The following CACNB2 variants were observed in gnomAD, a reference collection of about 807,000 sequenced individuals.
CACNB2 encodes the protein calcium voltage-gated channel auxiliary subunit beta 2.
In CACNB2, 42 loss-of-function variants were observed where a neutral mutation model predicts 73.3. The ratio of observed to expected loss-of-function variants is 0.57; its 90% CI spans 0.45 to 0.74. The LOEUF is 0.74. Ranked by LOEUF, CACNB2 falls within the 30% of genes least tolerant of loss-of-function variation. The probability of loss-of-function intolerance (pLI) is 0.00; values close to 1 mark genes in which losing one functional copy is unlikely to be tolerated. For synonymous variants in CACNB2, 348 were observed against 310.3 expected (o/e 1.12, Z -1.28); for missense variants, 940 against 853.0 (o/e 1.10, Z -1.27).
intron 3 of CACNB2, among the ~76,000 whole-genome samples, chr10:18,484,444 G>T (rs2048955378): frequency 6.6e-6 from 1 of 151,958 alleles, no homozygotes; most frequent in African/African-American, 2.4e-5. Context: ...ACTAAGAAAT[G>T]GGAGAGCTAA....
chr10:18,263,162 G>A (rs2037634182), intron 2 of CACNB2, among the ~76,000 whole-genome samples: 1 of 152,148 alleles, frequency 6.6e-6, no homozygotes, highest in African/African-American at 2.4e-5. Flanking sequence ...ATGGATTGCA[G>A]TTTTCTTTAC....
chr10:18,379,092 T>C (rs1564485508), intron 2 of CACNB2, among the ~76,000 whole-genome samples: 1 of 152,236 alleles, frequency 6.6e-6, no homozygotes, highest in Admixed American at 6.5e-5. Flanking sequence ...TGAGGCTTAC[T>C]CTTGAGTTCT....
chr10:18,498,204 C>T lies in CACNB2; in HGVS notation c.334-151C>T, dbSNP rs568284742. The T allele has an allele frequency of 1.3e-4, 114 of 910,786 alleles. 2 individuals carry two copies. The South Asian group carries it at 1.5e-3, about 12-fold the overall frequency. 56.4% of individuals were successfully genotyped at this position (910,786 alleles called of 1,614,324 possible). On this transcript the variant is annotated intron_variant, in intron 3 of 13. Transcript: ENST00000324631. The stretch of plus-strand genomic sequence containing the variant: ...TGGGAGATTTCAAGTGTTTTGAATA[C>T]GAACAAGCTGTTTTGTGATAAAGAA...
chr10:18,519,738 A>G, intron 9 of CACNB2: 1 of 456,066 alleles, frequency 2.2e-6, no homozygotes, highest in Non-Finnish European at 4.4e-6. Context: ...GAAAGAATTG[A>G]GTGTACTGGC....
intron 2 of CACNB2, among the ~76,000 whole-genome samples, chr10:18,315,218 C>T (rs2040116059): frequency 6.6e-6 from 1 of 152,018 alleles, no homozygotes; most frequent in Non-Finnish European, 1.5e-5. Context: ...TCTGTAATCC[C>T]AGCTACTTGG....
chr10:18,442,632 C>G (rs964952520), intron 3 of CACNB2, among the ~76,000 whole-genome samples: 6 of 151,380 alleles, frequency 4.0e-5, no homozygotes, highest in Middle Eastern at 3.4e-3. Flanking sequence ...CAAGACCATC[C>G]TGGCCAACAT....
chr10:18,232,329 A>T (rs1322184389), intron 2 of CACNB2, among the ~76,000 whole-genome samples: 2 of 152,168 alleles, frequency 1.3e-5, no homozygotes, highest in Non-Finnish European at 1.5e-5. Context: ...TGAACTTAGG[A>T]ACAGAAAGAA....
chr10:18,280,778 C>G (rs1479907715), intron 2 of CACNB2, among the ~76,000 whole-genome samples: 2 of 152,188 alleles, frequency 1.3e-5, no homozygotes, highest in Non-Finnish European at 2.9e-5. Flanking sequence ...CTTTCTCTTA[C>G]AAAACAGAAA....
chr10:18,356,228 A>T (rs1398183372), intron 2 of CACNB2, among the ~76,000 whole-genome samples: 5 of 151,906 alleles, frequency 3.3e-5, no homozygotes, highest in African/African-American at 1.2e-4. Context: ...CTTTTTTCTG[A>T]TGCTTCATTC....
At chr10:18,405,739 C>T (rs780794789) in intron 3 of CACNB2, among the ~76,000 whole-genome samples, 2 of 152,076 alleles carry the variant, frequency 1.3e-5, no homozygotes, top group East Asian at 1.9e-4. Flanking sequence ...GGGTGGATCA[C>T]CTGAGGTCAG....
intron 3 of CACNB2, among the ~76,000 whole-genome samples, chr10:18,412,639 T>C (rs1287870368): frequency 6.6e-6 from 1 of 152,224 alleles, no homozygotes; most frequent in Non-Finnish European, 1.5e-5. Context: ...AAGTCACTTT[T>C]GTCTTGCAGG....
At chr10:18,477,200 C>A (rs2048485830) in intron 3 of CACNB2, among the ~76,000 whole-genome samples, 1 of 152,120 alleles carries the variant, frequency 6.6e-6, no homozygotes, top group African/African-American at 2.4e-5. Flanking sequence ...AGGCCCTATT[C>A]TCCTGCCTCA....
intron 10 of CACNB2, among the ~76,000 whole-genome samples, chr10:18,529,350 T>A (rs2052773857): frequency 1.3e-5 from 2 of 151,900 alleles, no homozygotes; most frequent in East Asian, 3.9e-4. Context: ...AGCCCATGAA[T>A]AAAAAAAGAA....
intron 3 of CACNB2, among the ~76,000 whole-genome samples, chr10:18,483,232 A>C (rs1353463776): frequency 1.3e-5 from 2 of 151,786 alleles, no homozygotes; most frequent in Non-Finnish European, 2.9e-5. Flanking sequence ...TTTCGTTTAA[A>C]AAAAAAAAAC....
chr10:18,523,798 A>C (rs1430564215), intron 9 of CACNB2, among the ~76,000 whole-genome samples: 1 of 152,232 alleles, frequency 6.6e-6, no homozygotes, highest in East Asian at 1.9e-4. Context: ...GGGAAAAATG[A>C]ATTATTCCTT....
At chr10:18,518,270 T>G in intron 7 of CACNB2, 66 bp from the exon 8 acceptor site, 1 of 1,078,268 alleles carries the variant, frequency 9.3e-7, no homozygotes, top group South Asian at 1.2e-5. Context: ...AAAGAGTACC[T>G]TATACACAAA....
chr10:18,537,804 C>A (rs1345383275), intron 12 of CACNB2, among the ~76,000 whole-genome samples: 3 of 152,036 alleles, frequency 2.0e-5, no homozygotes, highest in Non-Finnish European at 2.9e-5. Context: ...AAAGATATCA[C>A]AATCTTTATG....
intron 2 of CACNB2, 135 bp downstream of exon 2, chr10:18,151,110 G>A (rs2031518221): frequency 3.0e-6 from 2 of 677,722 alleles, no homozygotes; most frequent in Admixed American, 2.4e-5. Flanking sequence ...AGACGGTGCT[G>A]TTTAATGTCA....
intron 3 of CACNB2, among the ~76,000 whole-genome samples, chr10:18,447,407 A>G (rs369645475): frequency 3.8e-4 from 58 of 152,286 alleles, no homozygotes; most frequent in African/African-American, 1.3e-3. Context: ...AAGGTGAAAT[A>G]GTAGGGAAAG....
Sources: allele counts gnomAD v4.1 joint callset (sites outside exome capture counted in the v4.1 genomes callset), GRCh38; gene constraint gnomAD v4.1.1; transcripts MANE v1.5; gene names NCBI Gene and HGNC (gene_info 2026-07-23, HGNC 2026-07-21).